The following SDK1 variants were observed in gnomAD, a reference collection of about 807,000 sequenced individuals.
The protein encoded by SDK1 is protein sidekick-1.
SDK1 carries 157 observed loss-of-function variants against 245.5 expected under a neutral mutation model. The ratio of observed to expected loss-of-function variants is 0.64; its 90% CI spans 0.56 to 0.73. The LOEUF (loss-of-function observed/expected upper bound fraction) is 0.73, where lower values mean the gene tolerates loss of function less well. Ranked by LOEUF, SDK1 falls within the 30% of genes least tolerant of loss-of-function variation. The pLI is 0.00. For synonymous variants in SDK1, 1,647 were observed against 1,278.5 expected, an observed-to-expected ratio of 1.29 and a Z score of -6.15; for missense variants, 3,583 against 3,002.3, an observed-to-expected ratio of 1.19 and a Z score of -4.52.
intron 1 of SDK1, among the ~76,000 whole-genome samples, chr7:3,519,882 A>G (rs1172652437): frequency 1.3e-5 from 2 of 152,162 alleles, no homozygotes; most frequent in South Asian, 4.1e-4. Flanking sequence ...ACATATATTG[A>G]ATGCAAATAT....
intron 1 of SDK1, among the ~76,000 whole-genome samples, chr7:3,370,527 G>A (rs774370252): frequency 1.3e-5 from 2 of 152,178 alleles, no homozygotes; most frequent in East Asian, 3.9e-4. Flanking sequence ...GAAACAGACT[G>A]TTATGTTTGA....
Position 3,307,006 on chromosome 7 carries a change from A to G in SDK1, c.298+5122A>G, listed in dbSNP as rs903723071. Among the ~76,000 whole-genome samples the G allele has an allele frequency of 3.9e-5, 6 of 152,190 alleles. No homozygotes were observed. In the East Asian group the frequency reaches 1.2e-3, roughly 29 times the overall value. ...ATGCGTTGAAAGTTGAATTAAGCTCAAGGTGGGGAATGAAAATCACATTGA... is the reference window on the plus strand; with the variant it reads ...ATGCGTTGAAAGTTGAATTAAGCTCGAGGTGGGGAATGAAAATCACATTGA... On this transcript the variant is annotated intron_variant, in intron 1 of 44. Coordinates refer to ENST00000404826, the MANE Select transcript of SDK1 (RefSeq NM_152744.4).
Position 3,347,864 on chromosome 7 carries a change from T to G in SDK1, c.298+45980T>G, listed in dbSNP as rs374721859. ...TTATGCACTAGAGCGTGGCTTAGTA[T>G]CGAGCCAGTTACAAACACATTAAAT... is the stretch of plus-strand genomic sequence containing the variant. On this transcript the variant is annotated intron_variant, in intron 1 of 44. Coordinates refer to ENST00000404826, the MANE Select transcript of SDK1 (RefSeq NM_152744.4). Among the ~76,000 whole-genome samples, 34 of 150,896 alleles carry G rather than the reference T, an allele frequency of 2.3e-4. 3 individuals are homozygous for G. The highest frequency in any genetic ancestry group is 5.6e-4 in the African/African-American group (23 of 40,744).
Position 4,208,284 on chromosome 7 carries a change from C to A in SDK1, c.5400C>A (p.Ala1800=), listed in dbSNP as rs776872199. Residue 1800 remains alanine (A), a splice_region_variant and synonymous_variant, in exon 37 of 45, where the codon GCC becomes GCA. Transcript: ENST00000404826. ...CCCAGCAGGGGCGCACCCACCAGGC[C>A]GGTAGGAGGAAGGCGGGTTTCCTTT... The part of the protein sequence containing the change: ...SDPQQGRTHQ[A]APGAPSFLAF... 2.5e-6 allele frequency: 4 copies of A among 1,611,982 alleles called. No homozygotes were observed. The highest frequency in any genetic ancestry group is 3.4e-6 in the Non-Finnish European group (4 of 1,179,412).
intron 28 of SDK1, 117 bp downstream of exon 28, chr7:4,132,540 T>C (rs945606078): frequency 7.3e-5 from 48 of 661,294 alleles, no homozygotes; most frequent in African/African-American, 6.7e-4. Context: ...TGGGCAACAT[T>C]GTGAGACCCC....
chr7:3,912,044 T>C (rs1012492423), intron 5 of SDK1, among the ~76,000 whole-genome samples: 4 of 152,192 alleles, frequency 2.6e-5, no homozygotes, highest in Admixed American at 6.5e-5. Context: ...AAGGGGGCCC[T>C]GTTCACTTAG....
chr7:3,684,026 A>G (rs1369552619), intron 4 of SDK1, among the ~76,000 whole-genome samples: 1 of 152,080 alleles, frequency 6.6e-6, no homozygotes, highest in Admixed American at 6.6e-5. Context: ...GTGCATCTCC[A>G]CCGCTGCTCC....
Position 3,544,405 on chromosome 7 carries a change from G to A in SDK1, c.299-74675G>A, listed in dbSNP as rs1381916118. 3.9e-5 allele frequency among the ~76,000 whole-genome samples: 6 copies of A among 152,354 alleles called. No individual in the cohort carries two copies. In the East Asian group the frequency reaches 7.7e-4, roughly 20 times the overall value. On this transcript the variant is annotated intron_variant, in intron 1 of 44. Coordinates refer to ENST00000404826, the MANE Select transcript of SDK1 (RefSeq NM_152744.4). Reference sequence around the variant, plus strand: ...CACAGGCAGCATGGGGCCTGTAGAGGGCACTGCACCAGGAGTCTGATGATG... The same window carrying A: ...CACAGGCAGCATGGGGCCTGTAGAGAGCACTGCACCAGGAGTCTGATGATG...
At chr7:3,450,301 G>A (rs1405749949) in intron 1 of SDK1, among the ~76,000 whole-genome samples, 3 of 152,188 alleles carry the variant, frequency 2.0e-5, no homozygotes, top group African/African-American at 7.2e-5. Flanking sequence ...TAGTAAGTAG[G>A]GGAGTGGTCT....
chr7:3,330,070 A>G (rs1037655922), intron 1 of SDK1, among the ~76,000 whole-genome samples: 1 of 152,078 alleles, frequency 6.6e-6, no homozygotes, highest in Non-Finnish European at 1.5e-5. Context: ...CATTGTATGT[A>G]TATGTCACCT....
At chr7:3,777,597 C>T (rs1419682637) in intron 4 of SDK1, among the ~76,000 whole-genome samples, 1 of 152,232 alleles carries the variant, frequency 6.6e-6, no homozygotes, top group Non-Finnish European at 1.5e-5. Context: ...TGAGCCCCCT[C>T]TGCCAACAGT....
intron 1 of SDK1, among the ~76,000 whole-genome samples, chr7:3,346,969 C>T (rs1481699034): frequency 6.7e-6 from 1 of 150,032 alleles, no homozygotes; most frequent in East Asian, 2.0e-4. Flanking sequence ...CTGCACCCAG[C>T]CCTGAGAGAA....
At chr7:3,520,059 C>G (rs892978438) in intron 1 of SDK1, among the ~76,000 whole-genome samples, 1 of 152,166 alleles carries the variant, frequency 6.6e-6, no homozygotes, top group African/African-American at 2.4e-5. Context: ...TAAAGTTGTT[C>G]TTATTAAAGT....
intron 4 of SDK1, among the ~76,000 whole-genome samples, chr7:3,798,108 T>C (rs1162278698): frequency 6.6e-6 from 1 of 152,084 alleles, no homozygotes; most frequent in Non-Finnish European, 1.5e-5. Context: ...CTGATTATCT[T>C]TTCCTGTTCT....
intron 4 of SDK1, among the ~76,000 whole-genome samples, chr7:3,772,934 G>GA (rs1426977047): frequency 6.6e-6 from 1 of 152,158 alleles, no homozygotes; most frequent in East Asian, 1.9e-4. Flanking sequence ...CATGTATCGT[G>GA]ATGAATCACT....
At chr7:3,591,025 A>G (rs1203018277) in intron 1 of SDK1, among the ~76,000 whole-genome samples, 1 of 152,102 alleles carries the variant, frequency 6.6e-6, no homozygotes, top group African/African-American at 2.4e-5. Context: ...ACTCCCCAGG[A>G]GATCCTAATG....
chr7:4,254,282 C>T (rs1677608477), intron 44 of SDK1, among the ~76,000 whole-genome samples: 1 of 151,964 alleles, frequency 6.6e-6, no homozygotes, highest in African/African-American at 2.4e-5. Context: ...TTAGTGCTGT[C>T]TTATATTTAT....
chr7:3,584,374 C>T (rs190908911), intron 1 of SDK1, among the ~76,000 whole-genome samples: 1 of 152,270 alleles, frequency 6.6e-6, no homozygotes, highest in Admixed American at 6.5e-5. Flanking sequence ...TCCCTTCAAG[C>T]CCCACATGAC....
At chr7:3,354,867 G>T (rs189950452) in intron 1 of SDK1, among the ~76,000 whole-genome samples, 16 of 152,300 alleles carry the variant, frequency 1.1e-4, no homozygotes, top group African/African-American at 3.8e-4. Flanking sequence ...TAAAGTGTAC[G>T]TACTTGATCA....
Sources: gnomAD v4.1 joint callset for allele counts (sites outside exome capture counted in the v4.1 genomes callset) on GRCh38, gnomAD v4.1.1 for gene constraint, MANE v1.5 for transcripts, NCBI Gene and HGNC (gene_info 2026-07-23, HGNC 2026-07-21) for gene names.